The following CHD3 variants were observed in gnomAD, a reference collection of about 807,000 sequenced individuals.
CHD3 encodes the protein ATP-dependent chromatin remodeler CHD3.
CHD3 carries 52 observed loss-of-function variants against 248.9 expected under a neutral mutation model. The ratio of observed to expected loss-of-function variants is 0.21; its 90% CI spans 0.17 to 0.26. The LOEUF is 0.26. Among genes scored for constraint, CHD3 ranks in the 10% least tolerant of loss-of-function variants. CHD3 has a pLI of 1.00. For missense variants in CHD3, 1,482 were observed against 2,605.8 expected, an observed-to-expected ratio of 0.57 and a Z score of 9.39; for synonymous variants, 985 against 985.2, an observed-to-expected ratio of 1.00 and a Z score of 0.00.
chr17:7,893,022 T>G lies in CHD3; in HGVS notation c.510-264T>G, dbSNP rs1406943423. Among the ~76,000 whole-genome samples, 5 of 152,206 alleles carry G rather than the reference T, an allele frequency of 3.3e-5. No individual in the cohort carries two copies. The East Asian group carries it at 9.6e-4, about 29-fold the overall frequency. On this transcript the variant is annotated intron_variant, in intron 4 of 39. Transcript: ENST00000330494. ...ATCTCATAGCCCTGGGCTCAAGCAA[T>G]CCTCCTGCTTCAGCCTGGAATTACA...
chr17:7,891,450 CTTAGCAGGTCCTG>C (rs1441414326), intron 4 of CHD3, among the ~76,000 whole-genome samples: 2 of 152,232 alleles, frequency 1.3e-5, no homozygotes, highest in Non-Finnish European at 2.9e-5. Flanking sequence ...CCTTAGCTCA[CTTAGCAGGTCCTG>C]TGCCCCTTCC....
Position 7,908,447 on chromosome 17 carries a change from C to T in CHD3, c.5198C>T (p.Ser1733Leu), listed in dbSNP as rs1453924635. The change falls in exon 35 of 40, where the codon TCG (serine) becomes TTG (leucine). Residue 1733 changes from serine (S) to leucine (L), a missense_variant. Coordinates refer to ENST00000330494, the MANE Select transcript of CHD3 (RefSeq NM_001005273.3). This position sits in a 1 kb window ranked among gnomAD's most constrained non-coding sequence, Gnocchi z 5.8. ...AATGAGGAACGGGCAGCTATTTCCT[C>T]GGGGAAACTCAATGAGATCTGGCAC... ...WQNEERAAISSGKLNEIWHRR... is the reference protein window; with the variant it reads ...WQNEERAAISLGKLNEIWHRR... 1.5e-5 allele frequency: 25 copies of T among 1,613,592 alleles called. No individual in the cohort carries two copies. Among genetic ancestry groups the T allele is most frequent in the Non-Finnish European group, 2.0e-5 (24 of 1,179,808 alleles).
Position 7,911,330 on chromosome 17 carries a change from C to T in CHD3, c.5882-134C>T, listed in dbSNP as rs1381526530. ...GGAATCTCAGGGAAAGGGGTTTGCC[C>T]GGGTCTTCCCTCCCTCACGTGGGAC... On this transcript the variant is annotated intron_variant, in intron 39 of 39. Transcript: ENST00000330494. This position sits in a 1 kb window ranked among gnomAD's most constrained non-coding sequence, Gnocchi z 5.4. The T allele has an allele frequency of 1.2e-5, 16 of 1,379,768 alleles. No individual in the cohort carries two copies. Among genetic ancestry groups the T allele is most frequent in the Admixed American group, 3.6e-5 (2 of 55,612 alleles). 85.5% of individuals were successfully genotyped at this position (1,379,768 alleles called of 1,614,324 possible).
chr17:7,905,583 G>A lies in CHD3; in HGVS notation c.4139-38G>A. The A allele has an allele frequency of 2.0e-6, 3 of 1,478,562 alleles. No individual in the cohort carries two copies. Among genetic ancestry groups the A allele is most frequent in the Non-Finnish European group, 2.8e-6 (3 of 1,087,022 alleles). The allele number at this position is 1,478,562 out of a possible 1,614,324, so 91.6% of individuals were successfully genotyped here. On this transcript the variant is annotated intron_variant, in intron 26 of 39. Coordinates refer to ENST00000330494, the MANE Select transcript of CHD3 (RefSeq NM_001005273.3). This position sits in a 1 kb window ranked among gnomAD's most constrained non-coding sequence, Gnocchi z 5.8. ...TAAGGAGGACTGAGGCTTAGAGGAG[G>A]TGGTGGCTCAGCTAACTGATGTCAT...
In CHD3 at chr17:7,897,304, C is replaced by T. The variant is rs771986812; in HGVS notation, c.1919+10C>T. ...GCATCATCAACCACAGGTGAATCCT[C>T]GGTCCCTGGGAAGTCAGACCTGGTA... On this transcript the variant is annotated intron_variant, in intron 11 of 39. Coordinates refer to ENST00000330494, the MANE Select transcript of CHD3 (RefSeq NM_001005273.3). The surrounding 1 kb of genome is among the most constrained non-coding windows in gnomAD (Gnocchi z 4.8). The T allele has an allele frequency of 1.2e-5, 20 of 1,611,424 alleles. No homozygotes were observed. The highest frequency in any genetic ancestry group is 4.5e-5 in the East Asian group (2 of 44,886).
rs1476775959 is a variant in CHD3 at position 7,895,453 on chromosome 17, C to T, written c.1618C>T (p.Arg540Cys). ...TGGAAATCCAGATGTCCCACCCCCC[C>T]GTCCTCTTCAAGGCAGATCAGAGCG... ...ADGNPDVPPP[R>C]PLQGRSEREF... The change falls in exon 10 of 40, where the codon CGT (arginine) becomes TGT (cysteine). Residue 540 changes from arginine (R) to cysteine (C), a missense_variant. Physicochemically the swap from Arg to Cys is radical, Grantham distance 180. Transcript: ENST00000330494. The surrounding 1 kb of genome is among the most constrained non-coding windows in gnomAD (Gnocchi z 4.9). 4 of 1,614,034 alleles carry T rather than the reference C, an allele frequency of 2.5e-6. No individual in the cohort carries two copies. Among genetic ancestry groups the T allele is most frequent in the East Asian group, 2.2e-5 (1 of 44,886 alleles).
chr17:7,904,766 T>C lies in CHD3; in HGVS notation c.4072+147T>C. The C allele has an allele frequency of 2.4e-6, 2 of 834,484 alleles. No homozygotes were observed. The highest frequency in any genetic ancestry group is 3.7e-6 in the Non-Finnish European group (2 of 546,550). 51.7% of individuals were successfully genotyped at this position (834,484 alleles called of 1,614,324 possible). On this transcript the variant is annotated intron_variant, in intron 25 of 39. Coordinates refer to ENST00000330494, the MANE Select transcript of CHD3 (RefSeq NM_001005273.3). This position sits in a 1 kb window ranked among gnomAD's most constrained non-coding sequence, Gnocchi z 4.4. ...AGGGAAAGACATAAGGTAGAGTCAT[T>C]AGGAACTACCCAGAGGCCAGGTGGG...
chr17:7,907,468 G>C lies in CHD3; in HGVS notation c.4904G>C (p.Arg1635Pro). The change falls in exon 32 of 40, where the codon CGT becomes CCT. Residue 1635 changes from arginine to proline, a missense_variant. This residue lies in a region of CHD3 where 254 missense variants were observed against 266.7 expected (regional missense o/e 0.95). Transcript: ENST00000330494. The surrounding 1 kb of genome is among the most constrained non-coding windows in gnomAD (Gnocchi z 4.3). Reference sequence around the variant, plus strand: ...GAGATGGAGCCTGAACCTGGGTACCGTGGGGACAGAGAGAAGTCAGGTGGG... The same window carrying C: ...GAGATGGAGCCTGAACCTGGGTACCCTGGGGACAGAGAGAAGTCAGGTGGG... ...PGEMEPEPGY[R>P]GDREKSATES... 2 of 1,600,604 alleles carry C rather than the reference G, an allele frequency of 1.2e-6. No homozygotes were observed. The highest frequency in any genetic ancestry group is 1.7e-6 in the Non-Finnish European group (2 of 1,174,300).
In CHD3 at chr17:7,890,943, G is replaced by A. The variant is rs779262703; in HGVS notation, c.388G>A (p.Val130Met). Residue 130 changes from valine (V) to methionine (M), a missense_variant, in exon 4 of 40, where the codon GTG becomes ATG. Around this residue, in one of 20 missense-constraint regions of CHD3, gnomAD observed 169 missense variants for 168.1 expected, o/e 1.01. Coordinates refer to ENST00000330494, the MANE Select transcript of CHD3 (RefSeq NM_001005273.3). ...KGEGDGGQKQ[V>M]EQKSSATLLL... ...CACCAAAGCCCCTCTCCCGCAGCAA[G>A]TGGAACAGAAGTCATCAGCAACTCT... is the stretch of plus-strand genomic sequence containing the variant. 9 of 1,614,094 alleles carry A rather than the reference G, an allele frequency of 5.6e-6. No individual in the cohort carries two copies. In the Admixed American group the frequency reaches 1.2e-4, roughly 21 times the overall value.
Position 7,897,354 on chromosome 17 carries a change from A to G in CHD3, c.1919+60A>G, listed in dbSNP as rs1969812588. ...ATATGACATTATTCTTACCATGGTG[A>G]TGGCCCCATGTTAGTATTTGCTGAT... On this transcript the variant is annotated intron_variant, in intron 11 of 39. Transcript: ENST00000330494. The surrounding 1 kb of genome is among the most constrained non-coding windows in gnomAD (Gnocchi z 4.8). 7.2e-7 allele frequency: 1 copy of G among 1,384,302 alleles called. No individual in the cohort carries two copies. 85.8% of individuals were successfully genotyped at this position (1,384,302 alleles called of 1,614,324 possible).
In CHD3 at chr17:7,905,388, TC is replaced by T; in HGVS notation, c.4138+226del. ...CCAGAAAGGCCATATCATTTTCCAT[TC>T]CCACTGGTAATCTGGGCCTTTGTCA... On this transcript the variant is annotated intron_variant, in intron 26 of 39. Transcript: ENST00000330494. The surrounding 1 kb of genome is among the most constrained non-coding windows in gnomAD (Gnocchi z 5.8). 1 of 614,576 alleles carries T rather than the reference TC, an allele frequency of 1.6e-6. No individual in the cohort carries two copies. Among genetic ancestry groups the T allele is most frequent in the Non-Finnish European group, 2.9e-6 (1 of 345,248 alleles). The allele number at this position is 614,576 out of a possible 1,614,324, so 38.1% of individuals were successfully genotyped here. A position where few individuals can be genotyped will look rare whatever the true frequency, so the allele number is the denominator to read the frequency against.
upstream of CHD3, among the ~76,000 whole-genome samples, chr17:7,885,719 C>T (rs1022098180): frequency 1.3e-5 from 2 of 152,186 alleles, no homozygotes; most frequent in Non-Finnish European, 2.9e-5. Context: ...TCGGACCCCC[C>T]TCCACCCGCG....
chr17:7,900,511 G>T lies in CHD3; in HGVS notation c.2805-47G>T, dbSNP rs896124599. On this transcript the variant is annotated intron_variant, in intron 17 of 39. Transcript: ENST00000330494. The surrounding 1 kb of genome is among the most constrained non-coding windows in gnomAD (Gnocchi z 6.5). ...TGAGGTGGTAAGTCTGAGATCAGGG[G>T]CAAGGAACTTGCCGACCTGTTAATT... 1.7e-5 allele frequency: 28 copies of T among 1,609,606 alleles called. No individual in the cohort carries two copies. The highest frequency in any genetic ancestry group is 2.7e-5 in the African/African-American group (2 of 74,744).
chr17:7,911,222 TC>T lies in CHD3; in HGVS notation c.5882-240del, dbSNP rs1415934422. Among the ~76,000 whole-genome samples the T allele has an allele frequency of 2.6e-5, 4 of 152,176 alleles. No individual in the cohort carries two copies. Among genetic ancestry groups the T allele is most frequent in the South Asian group, 2.1e-4 (1 of 4,830 alleles). Reference sequence around the variant, plus strand: ...GTGTCTTCTACCCGAGCCACCTCCCTCCGGGTTCCTTCAAGGGAAAGTGAAT... The same window carrying T: ...GTGTCTTCTACCCGAGCCACCTCCCTCGGGTTCCTTCAAGGGAAAGTGAAT... On this transcript the variant is annotated intron_variant, in intron 39 of 39. Transcript: ENST00000330494. This position sits in a 1 kb window ranked among gnomAD's most constrained non-coding sequence, Gnocchi z 5.4.
At chr17:7,886,297 C>T (rs1347512613), upstream of CHD3, among the ~76,000 whole-genome samples, 1 of 152,226 alleles carries the variant, frequency 6.6e-6, no homozygotes, top group African/African-American at 2.4e-5. This position sits in a 1 kb window ranked among gnomAD's most constrained non-coding sequence, Gnocchi z 4.2. Flanking sequence ...TCAGACCACC[C>T]TCCTAGTGGA....
At position 7,906,895 on chromosome 17, in the gene CHD3, G is replaced by A; in HGVS notation, c.4530G>A (p.Gly1510=). 2 of 1,614,074 alleles carry A rather than the reference G, an allele frequency of 1.2e-6. No homozygotes were observed. Among genetic ancestry groups the A allele is most frequent in the Non-Finnish European group, 1.7e-6 (2 of 1,179,994 alleles). ...KKVQEFEHIN[G]RWSMPELMPD... is the part of the protein sequence containing the mutation. ...TGCAGGAGTTTGAGCACATCAATGGGCGTTGGTCAATGCCGGAACTGATGC... is the reference window on the plus strand; with the variant it reads ...TGCAGGAGTTTGAGCACATCAATGGACGTTGGTCAATGCCGGAACTGATGC... The change falls in exon 30 of 40, where the codon GGG becomes GGA. Residue 1510 remains glycine (G), a synonymous_variant. Coordinates refer to ENST00000330494, the MANE Select transcript of CHD3 (RefSeq NM_001005273.3). The surrounding 1 kb of genome is among the most constrained non-coding windows in gnomAD (Gnocchi z 5.0).
chr17:7,898,411 T>G lies in CHD3; in HGVS notation c.2052-85T>G. 4 of 1,004,274 alleles carry G rather than the reference T, an allele frequency of 4.0e-6. No individual in the cohort carries two copies. In the South Asian group the frequency reaches 5.9e-5, roughly 15 times the overall value. The allele number at this position is 1,004,274 out of a possible 1,614,324, so 62.2% of individuals were successfully genotyped here. On this transcript the variant is annotated intron_variant, in intron 12 of 39. Coordinates refer to ENST00000330494, the MANE Select transcript of CHD3 (RefSeq NM_001005273.3). ...ATGGGAAAATCTAGGTCATGGACAG[T>G]GGGAAGTAGGTCTGGAATGGGTTCA...
rs1444741959 is a variant in CHD3, at chr17:7,907,087, G to A, written c.4667-39G>A. 1 of 1,614,036 alleles carries A rather than the reference G, an allele frequency of 6.2e-7. No homozygotes were observed. Among genetic ancestry groups the A allele is most frequent in the South Asian group, 1.1e-5 (1 of 91,086 alleles). On this transcript the variant is annotated intron_variant, in intron 30 of 39. Transcript: ENST00000330494. The surrounding 1 kb of genome is among the most constrained non-coding windows in gnomAD (Gnocchi z 4.3). ...AGAAAGGGAGCCAGGAGTCAGGGCG[G>A]GAGAATCTCTGTCTTTATCACTGTG...
rs188617531 is a variant in CHD3, at chr17:7,900,274, T to G, written c.2683-16T>G. On this transcript the variant is annotated splice_polypyrimidine_tract_variant and intron_variant, in intron 16 of 39. Coordinates refer to ENST00000330494, the MANE Select transcript of CHD3 (RefSeq NM_001005273.3). The surrounding 1 kb of genome is among the most constrained non-coding windows in gnomAD (Gnocchi z 6.5). ...AATAAGCCCATTTTCCTGCCTTGCC[T>G]TGCCCCATCTTTTAGTTTTTCAGGG... is the stretch of plus-strand genomic sequence containing the variant. The G allele has an allele frequency of 9.1e-4, 1,461 of 1,614,078 alleles. 2 individuals carry two copies. Among genetic ancestry groups the G allele is most frequent in the Non-Finnish European group, 1.1e-3 (1,322 of 1,180,020 alleles).
Sources: allele counts gnomAD v4.1 joint callset (sites outside exome capture counted in the v4.1 genomes callset), GRCh38; gene constraint gnomAD v4.1.1; regional missense constraint gnomAD v4.1.1; non-coding constraint Gnocchi (gnomAD v3.1); transcripts MANE v1.5; gene names NCBI Gene and HGNC (gene_info 2026-07-23, HGNC 2026-07-21).